The following CLMN variants were observed in gnomAD, a reference collection of about 807,000 sequenced individuals.
CLMN encodes calmin (calponin-like, transmembrane).
In CLMN, 57 loss-of-function variants were observed where a neutral mutation model predicts 92.7. The observed-to-expected ratio is 0.61, with a 90% CI of 0.50 to 0.77. CLMN has a LOEUF of 0.77. Ranked by LOEUF, CLMN falls within the 30% of genes least tolerant of loss-of-function variation. The pLI is 0.00. For synonymous variants in CLMN, 466 were observed against 470.6 expected, an observed-to-expected ratio of 0.99 and a Z score of 0.13; for missense variants, 1,158 against 1,237.5, an observed-to-expected ratio of 0.94 and a Z score of 0.96.
intron 6 of CLMN, among the ~76,000 whole-genome samples, chr14:95,211,424 C>T (rs1054388196): frequency 6.6e-5 from 10 of 152,092 alleles, no homozygotes; most frequent in African/African-American, 2.2e-4. Flanking sequence ...CCCAAGAAAG[C>T]CACTCACTAA....
intron 1 of CLMN, among the ~76,000 whole-genome samples, chr14:95,241,606 G>A (rs1777585641): frequency 6.6e-6 from 1 of 152,170 alleles, no homozygotes; most frequent in African/African-American, 2.4e-5. Flanking sequence ...AAAGGCAAGA[G>A]GTGTCAAGTT....
Position 95,193,829 on chromosome 14 carries a change from C to G in CLMN, c.2840+20G>C. 1 of 1,612,718 alleles carries G rather than the reference C, an allele frequency of 6.2e-7. No individual in the cohort carries two copies. Among genetic ancestry groups the G allele is most frequent in the Non-Finnish European group, 8.5e-7 (1 of 1,179,622 alleles). ...ACATTTTATTACTACCCCCACAAAACCTGAAGTAAAGCCACCAACCTGGTT... is the reference window on the plus strand; with the variant it reads ...ACATTTTATTACTACCCCCACAAAAGCTGAAGTAAAGCCACCAACCTGGTT... On this transcript the variant is annotated intron_variant, in intron 12 of 12. Coordinates refer to ENST00000298912, the MANE Select transcript of CLMN (RefSeq NM_024734.4).
At chr14:95,225,610 C>A (rs78443435) in intron 2 of CLMN, among the ~76,000 whole-genome samples, 2,602 of 152,356 alleles carry the variant, frequency 0.017, 31 homozygotes, top group Admixed American at 0.024. Flanking sequence ...ATGTCCTCAG[C>A]TGGCGGCCCC....
intron 1 of CLMN, among the ~76,000 whole-genome samples, chr14:95,253,610 T>TTTTG (rs1566896426): frequency 1.9e-5 from 2 of 105,192 alleles, no homozygotes; most frequent in South Asian, 2.6e-4. Context: ...TGTTTTTTTG[T>TTTTG]TTTTTTGTTT....
chr14:95,276,560 T>A (rs1337439455), intron 1 of CLMN, among the ~76,000 whole-genome samples: 2 of 152,222 alleles, frequency 1.3e-5, no homozygotes, highest in Non-Finnish European at 2.9e-5. Flanking sequence ...CTGGCCTCCC[T>A]GAGTTCCTTG....
chr14:95,242,640 C>T (rs1441511061), intron 1 of CLMN, among the ~76,000 whole-genome samples: 1 of 150,454 alleles, frequency 6.6e-6, no homozygotes, highest in Non-Finnish European at 1.5e-5. Flanking sequence ...TCTCGGCTCA[C>T]TGCAACAACA....
chr14:95,292,047 C>CG (rs1467972537), intron 1 of CLMN, among the ~76,000 whole-genome samples: 1 of 152,226 alleles, frequency 6.6e-6, no homozygotes, highest in African/African-American at 2.4e-5. Flanking sequence ...CATCTGGCCT[C>CG]ACTGCAAGCC....
At chr14:95,241,259 C>T (rs1898233508) in intron 1 of CLMN, among the ~76,000 whole-genome samples, 1 of 151,906 alleles carries the variant, frequency 6.6e-6, no homozygotes, top group Non-Finnish European at 1.5e-5. Flanking sequence ...TCCGGATTTG[C>T]CTGGGACTGA....
chr14:95,217,038 T>G (rs1314974280), intron 4 of CLMN, among the ~76,000 whole-genome samples: 4 of 152,188 alleles, frequency 2.6e-5, no homozygotes, highest in Admixed American at 1.3e-4. Flanking sequence ...TCTGCAGACC[T>G]CTCTGAAAAG....
In CLMN at chr14:95,204,053, G is replaced by A. The variant is rs772862568; in HGVS notation, c.1296C>T (p.Thr432=). ...IKKTVHFEAD[T]YKDPFCSKNL... is the part of the protein sequence containing the mutation. ...TCTTACTGCAGAAAGGATCCTTGTA[G>A]GTGTCAGCCTCAAAGTGAACTGTTT... is the stretch of plus-strand genomic sequence containing the variant. Residue 432 remains threonine (T), a synonymous_variant, in exon 9 of 13, where the codon ACC becomes ACT. Transcript: ENST00000298912. 5 of 1,614,192 alleles carry A rather than the reference G, an allele frequency of 3.1e-6. No individual in the cohort carries two copies. In the East Asian group the frequency reaches 1.1e-4, roughly 36 times the overall value.
At chr14:95,234,591 G>A (rs549811519) in intron 1 of CLMN, among the ~76,000 whole-genome samples, 54 of 152,326 alleles carry the variant, frequency 3.5e-4, no homozygotes, top group South Asian at 1.5e-3. Context: ...CTGTAAAATC[G>A]CCATCCCTGG....
chr14:95,217,601 C>A (rs114229308), intron 4 of CLMN, among the ~76,000 whole-genome samples: 13 of 152,252 alleles, frequency 8.5e-5, no homozygotes, highest in Non-Finnish European at 1.8e-4. Flanking sequence ...GGATCACCCA[C>A]GAGAACTCGC....
At chr14:95,261,800 G>T (rs973515395) in intron 1 of CLMN, among the ~76,000 whole-genome samples, 3 of 152,188 alleles carry the variant, frequency 2.0e-5, no homozygotes, top group African/African-American at 7.2e-5. Flanking sequence ...AGATGACATG[G>T]GGATCCCCAC....
chr14:95,227,763 C>T (rs150969094), intron 2 of CLMN, among the ~76,000 whole-genome samples: 1 of 152,320 alleles, frequency 6.6e-6, no homozygotes, highest in East Asian at 1.9e-4. Context: ...AAACAGCACC[C>T]CCAGGGCTTT....
At chr14:95,289,007 C>T (rs561593389) in intron 1 of CLMN, among the ~76,000 whole-genome samples, 21 of 152,320 alleles carry the variant, frequency 1.4e-4, no homozygotes, top group Non-Finnish European at 2.8e-4. Flanking sequence ...CAGCATGGTG[C>T]TGGGAATCAC....
chr14:95,310,555 A>C, intron 1 of CLMN, among the ~76,000 whole-genome samples: 1 of 152,256 alleles, frequency 6.6e-6, no homozygotes, highest in East Asian at 1.9e-4. Flanking sequence ...GACATCTTGC[A>C]GGGGAGGCAT....
intron 1 of CLMN, among the ~76,000 whole-genome samples, chr14:95,235,666 T>C (rs12587093): frequency 0.23 from 34,827 of 152,146 alleles, 4,962 homozygotes; most frequent in Non-Finnish European, 0.33. Flanking sequence ...ATTCATACAG[T>C]TGGACAGAAT....
Position 95,184,897 on chromosome 14 carries a change from C to A in CLMN, c.*6667G>T, listed in dbSNP as rs1006583051. 4 of 152,324 alleles carry A rather than the reference C, an allele frequency of 2.6e-5. No individual in the cohort carries two copies. The highest frequency in any genetic ancestry group is 4.4e-5 in the Non-Finnish European group (3 of 68,232). The allele number at this position is 152,324 out of a possible 1,614,324, so 9.4% of individuals were successfully genotyped here. On this transcript the variant is annotated 3_prime_UTR_variant, in exon 13 of 13. Coordinates refer to ENST00000298912, the MANE Select transcript of CLMN (RefSeq NM_024734.4). The stretch of plus-strand genomic sequence containing the variant: ...GCCAAGGCAGGAGGATCACTTGAGG[C>A]CAGGAGTTCGAGACCAGCCTGAGCA...
At chr14:95,195,765 G>A (rs1896693779) in intron 10 of CLMN, among the ~76,000 whole-genome samples, 1 of 152,128 alleles carries the variant, frequency 6.6e-6, no homozygotes, top group South Asian at 2.1e-4. Flanking sequence ...GAAGTTCCTG[G>A]GCACAGTAAG....
Sources: allele counts gnomAD v4.1 joint callset (sites outside exome capture counted in the v4.1 genomes callset), GRCh38; gene constraint gnomAD v4.1.1; transcripts MANE v1.5; gene names NCBI Gene and HGNC (gene_info 2026-07-23, HGNC 2026-07-21).